FGD4: variants seen among roughly 807,000 people sequenced by gnomAD.
FGD4 encodes the protein FYVE, RhoGEF and PH domain containing 4.
In FGD4, 42 loss-of-function variants were observed where a neutral mutation model predicts 102.0. That is an observed-to-expected ratio of 0.41 (90% CI 0.32 to 0.53). FGD4 has a LOEUF of 0.53. Among genes scored for constraint, FGD4 ranks in the 20% least tolerant of loss-of-function variants. The pLI is 0.21. For missense variants in FGD4, 902 were observed against 1,078.2 expected (o/e 0.84, Z 2.29); for synonymous variants, 380 against 375.7 (o/e 1.01, Z -0.13).
intron 1 of FGD4, among the ~76,000 whole-genome samples, chr12:32,480,675 A>G (rs1458521526): frequency 2.7e-5 from 4 of 148,586 alleles, no homozygotes; most frequent in East Asian, 2.0e-4. Context: ...TAATTTTTGT[A>G]TTTTTAGTAG....
chr12:32,534,736 T>C (rs1942096004), intron 1 of FGD4, among the ~76,000 whole-genome samples: 1 of 152,238 alleles, frequency 6.6e-6, no homozygotes, highest in South Asian at 2.1e-4. Flanking sequence ...TAAGTTTCTC[T>C]GGCTTATTTT....
At chr12:32,630,329 G>A (rs561272371) in intron 14 of FGD4, among the ~76,000 whole-genome samples, 31 of 152,174 alleles carry the variant, frequency 2.0e-4, no homozygotes, top group African/African-American at 4.8e-4. Flanking sequence ...ATATTTAATC[G>A]TGGTTATGTA....
Position 32,473,816 on chromosome 12 carries a change from G to T in FGD4, c.166+73857G>T, listed in dbSNP as rs546194636. On this transcript the variant is annotated intron_variant, in intron 1 of 16. Transcript: ENST00000534526. ...ATATTAGGAGCTGTGGACCGGGCGC[G>T]GTGGCTCATGCCTGTAATCCCAGCA... Among the ~76,000 whole-genome samples the T allele has an allele frequency of 5.9e-5, 9 of 152,238 alleles. No homozygotes were observed. In the South Asian group the frequency reaches 1.5e-3, roughly 25 times the overall value.
chr12:32,592,875 T>C (rs1947595745), intron 4 of FGD4, among the ~76,000 whole-genome samples: 1 of 152,224 alleles, frequency 6.6e-6, no homozygotes. Context: ...AAATAATATA[T>C]AAATTAAAGT....
At chr12:32,473,291 C>T (rs1055033430) in intron 1 of FGD4, among the ~76,000 whole-genome samples, 3 of 151,958 alleles carry the variant, frequency 2.0e-5, no homozygotes, top group Non-Finnish European at 4.4e-5. Context: ...TTCTTTTGCT[C>T]TTTGCAATAA....
At chr12:32,586,829 T>A (rs1947078827) in intron 4 of FGD4, among the ~76,000 whole-genome samples, 1 of 152,144 alleles carries the variant, frequency 6.6e-6, no homozygotes, top group Non-Finnish European at 1.5e-5. Flanking sequence ...GGGCAAAAAA[T>A]AAATTACATT....
chr12:32,625,826 T>C (rs778629032), intron 14 of FGD4, 47 bp downstream of exon 14: 5 of 1,611,410 alleles, frequency 3.1e-6, no homozygotes, highest in Non-Finnish European at 4.2e-6. Flanking sequence ...ACTATATAAG[T>C]GATGTAAAGT....
chr12:32,528,946 A>G (rs1186271498), intron 1 of FGD4, among the ~76,000 whole-genome samples: 1 of 152,180 alleles, frequency 6.6e-6, no homozygotes, highest in Non-Finnish European at 1.5e-5. Flanking sequence ...AAACTTTTTT[A>G]TTAATTATTT....
intron 1 of FGD4, among the ~76,000 whole-genome samples, chr12:32,410,327 C>CAA (rs571141498): frequency 0.066 from 9,055 of 137,824 alleles, 391 homozygotes; most frequent in Middle Eastern, 0.15. Flanking sequence ...GATTCCGTCT[C>CAA]AAAAAAAAAA....
At chr12:32,526,005 C>T (rs980191530) in intron 1 of FGD4, among the ~76,000 whole-genome samples, 3 of 152,280 alleles carry the variant, frequency 2.0e-5, no homozygotes, top group African/African-American at 7.2e-5. Flanking sequence ...AGCACCACCC[C>T]CTGCTCCACG....
chr12:32,401,623 A>T (rs1940665143), intron 1 of FGD4, among the ~76,000 whole-genome samples: 1 of 151,968 alleles, frequency 6.6e-6, no homozygotes, highest in Non-Finnish European at 1.5e-5. Flanking sequence ...CCCATTGAGT[A>T]GGGGAAAAGA....
chr12:32,623,734 AC>A (rs929640444), intron 11 of FGD4, among the ~76,000 whole-genome samples: 62 of 152,222 alleles, frequency 4.1e-4, no homozygotes, highest in African/African-American at 1.4e-3. Context: ...AACGTAACCT[AC>A]CTGCAAGAAA....
chr12:32,415,043 G>C (rs1268381532), intron 1 of FGD4, among the ~76,000 whole-genome samples: 3 of 152,000 alleles, frequency 2.0e-5, no homozygotes, highest in East Asian at 3.8e-4. Flanking sequence ...TTGACCCACT[G>C]TTCATTCAGG....
rs534175008 is a variant in FGD4 at position 32,435,068 on chromosome 12, C to T, written c.166+35109C>T. Among the ~76,000 whole-genome samples, 24 of 152,180 alleles carry T rather than the reference C, an allele frequency of 1.6e-4. 2 individuals are homozygous for T. The South Asian group carries it at 2.1e-3, about 13-fold the overall frequency. ...AAGTGATTCTCCTGTCTCAGCCTCC[C>T]GAGTAGCTGGGATTACAGGCATGCG... On this transcript the variant is annotated intron_variant, in intron 1 of 16. Coordinates refer to ENST00000534526, the MANE Select transcript of FGD4 (RefSeq NM_001370298.3).
intron 1 of FGD4, among the ~76,000 whole-genome samples, chr12:32,554,488 G>T (rs541838314): frequency 1.3e-5 from 2 of 152,182 alleles, no homozygotes; most frequent in African/African-American, 2.4e-5. Flanking sequence ...AATACATATT[G>T]AGCATCTACC....
intron 14 of FGD4, among the ~76,000 whole-genome samples, chr12:32,628,139 A>C (rs10844263): frequency 0.32 from 47,919 of 151,832 alleles, 7,624 homozygotes; most frequent in South Asian, 0.42. Context: ...TAAATGTTGA[A>C]GTCCACAGAC....
At position 32,638,802 on chromosome 12, in the gene FGD4, A is replaced by G; in HGVS notation, c.2454+7A>G. 6.2e-7 allele frequency: 1 copy of G among 1,613,968 alleles called. No homozygotes were observed. The highest frequency in any genetic ancestry group is 8.5e-7 in the Non-Finnish European group (1 of 1,179,902). On this transcript the variant is annotated splice_region_variant and intron_variant, in intron 16 of 16. Coordinates refer to ENST00000534526, the MANE Select transcript of FGD4 (RefSeq NM_001370298.3). The stretch of plus-strand genomic sequence containing the variant: ...CATGTATGGTGCCCCCCAGGTATCT[A>G]AACCACATCTGTCTGAAGGGACAGA...
intron 3 of FGD4, 113 bp from the exon 4 acceptor site, chr12:32,581,847 G>A: frequency 8.6e-7 from 1 of 1,167,450 alleles, no homozygotes. Context: ...GAAACCATCA[G>A]AGATAGAAAA....
intron 1 of FGD4, among the ~76,000 whole-genome samples, chr12:32,523,920 G>A (rs1324272514): frequency 6.6e-6 from 1 of 152,134 alleles, no homozygotes; most frequent in Non-Finnish European, 1.5e-5. Flanking sequence ...GGAGCTTGCA[G>A]TGAGCTGAGA....
Sources: gnomAD v4.1 joint callset for allele counts (sites outside exome capture counted in the v4.1 genomes callset) on GRCh38, gnomAD v4.1.1 for gene constraint, MANE v1.5 for transcripts, NCBI Gene and HGNC (gene_info 2026-07-23, HGNC 2026-07-21) for gene names.